The following PCDH11X variants were observed in gnomAD, a reference collection of about 807,000 sequenced individuals.
The protein encoded by PCDH11X is protocadherin 11 X-linked, also known as protocadherin-11 X-linked.
PCDH11X carries 18 observed loss-of-function variants against 53.3 expected under a neutral mutation model. The ratio of observed to expected loss-of-function variants is 0.34; its 90% CI spans 0.23 to 0.50. The LOEUF (loss-of-function observed/expected upper bound fraction) is 0.50. Ranked by LOEUF, PCDH11X falls within the 20% of genes least tolerant of loss-of-function variation. The pLI is 0.98. For missense variants in PCDH11X, 570 were observed against 1,032.4 expected (o/e 0.55, Z 6.14); for synonymous variants, 279 against 393.3 (o/e 0.71, Z 3.44).
chrX:92,315,503 C>T (rs888352080), intron 8 of PCDH11X, among the ~76,000 whole-genome samples: 1 of 111,542 alleles, frequency 9.0e-6, no homozygotes, highest in Non-Finnish European at 1.9e-5. Flanking sequence ...ACCATAACAT[C>T]CTTGATAGAA....
chrX:91,852,780 A>T (rs1938105565), intron 5 of PCDH11X, among the ~76,000 whole-genome samples: 4 of 109,827 alleles, frequency 3.6e-5, no homozygotes, highest in Non-Finnish European at 7.6e-5. Flanking sequence ...TGACAAGCAA[A>T]AATGTCTCCA....
At chrX:92,024,969 C>T (rs2062946687) in intron 6 of PCDH11X, among the ~76,000 whole-genome samples, 1 of 109,653 alleles carries the variant, frequency 9.1e-6, no homozygotes, top group Non-Finnish European at 1.9e-5. Flanking sequence ...TAGCCATATG[C>T]AGAAAAGTCT....
intron 6 of PCDH11X, among the ~76,000 whole-genome samples, chrX:92,024,270 A>G (rs2525343): frequency 0.082 from 9,003 of 110,227 alleles, 425 homozygotes; most frequent in East Asian, 0.28. Context: ...AAACACCATC[A>G]TCTCAGCCCA....
chrX:92,370,676 T>G (rs1284916940), intron 8 of PCDH11X, among the ~76,000 whole-genome samples: 1 of 110,658 alleles, frequency 9.0e-6, no homozygotes, highest in Non-Finnish European at 1.9e-5. Flanking sequence ...GTCAGGCTGG[T>G]CTCGAACTCT....
intron 9 of PCDH11X, among the ~76,000 whole-genome samples, chrX:92,451,850 A>C (rs1039974771): frequency 3.6e-5 from 4 of 110,870 alleles, no homozygotes; most frequent in Non-Finnish European, 7.6e-5. Context: ...CCCTAGACTA[A>C]ATTCTGTGTT....
chrX:92,132,633 ATG>A (rs1168120977), intron 6 of PCDH11X, among the ~76,000 whole-genome samples: 3 of 65,196 alleles, frequency 4.6e-5, no homozygotes, highest in Admixed American at 2.5e-4. Context: ...ATATATATAT[ATG>A]TATATATATA....
At chrX:91,917,569 CAA>C (rs59199030) in intron 6 of PCDH11X, among the ~76,000 whole-genome samples, 948 of 15,796 alleles carry the variant, frequency 0.06, 26 homozygotes, top group African/African-American at 0.22. Flanking sequence ...ACAGCAGCTG[CAA>C]AAAAAAAAAA....
chrX:92,329,208 G>A (rs754160612), intron 8 of PCDH11X, among the ~76,000 whole-genome samples: 41 of 111,401 alleles, frequency 3.7e-4, no homozygotes, highest in African/African-American at 1.2e-3. Flanking sequence ...CAATAGATGC[G>A]GAAGAATAAT....
intron 9 of PCDH11X, chrX:92,459,844 C>A: frequency 9.0e-7 from 1 of 1,115,283 alleles, no homozygotes; most frequent in East Asian, 3.0e-5. Flanking sequence ...TGGCATGGGG[C>A]CTGGGGGCCT....
At chrX:92,379,003 C>T (rs780218329) in intron 8 of PCDH11X, among the ~76,000 whole-genome samples, 6 of 113,074 alleles carry the variant, frequency 5.3e-5, no homozygotes, top group African/African-American at 1.6e-4. Context: ...ATGGCAGTGG[C>T]GGCTGTCTGG....
chrX:92,245,457 T>A (rs1212243302), intron 7 of PCDH11X, among the ~76,000 whole-genome samples: 1 of 112,688 alleles, frequency 8.9e-6, no homozygotes, highest in Non-Finnish European at 1.9e-5. Flanking sequence ...CCTCTATTAA[T>A]GAAGAAAAAG....
intron 9 of PCDH11X, among the ~76,000 whole-genome samples, chrX:92,402,235 C>A (rs1268246754): frequency 9.0e-6 from 1 of 111,705 alleles, no homozygotes; most frequent in Non-Finnish European, 1.9e-5. Flanking sequence ...AGATTCAATT[C>A]TATTCCTATC....
intron 4 of PCDH11X, among the ~76,000 whole-genome samples, chrX:91,814,371 T>A (rs897162156): frequency 1.3e-4 from 14 of 110,502 alleles, no homozygotes; most frequent in Non-Finnish European, 2.5e-4. Context: ...TGAAAAAAAA[T>A]TTTATTACCA....
chrX:91,966,724 T>G (rs143205289), intron 6 of PCDH11X, among the ~76,000 whole-genome samples: 89 of 111,899 alleles, frequency 8.0e-4, no homozygotes, highest in African/African-American at 2.7e-3. Context: ...TACCCGGTAT[T>G]TTAACGGGCA....
intron 6 of PCDH11X, chrX:91,883,674 G>A (rs1165184698): frequency 5.2e-5 from 26 of 497,891 alleles, no homozygotes; most frequent in Non-Finnish European, 5.6e-5. Flanking sequence ...GCGTGGTGGC[G>A]GGCGCCTGTA....
At chrX:92,396,562 G>A (rs2071250258) in intron 9 of PCDH11X, among the ~76,000 whole-genome samples, 1 of 102,725 alleles carries the variant, frequency 9.7e-6, no homozygotes, top group South Asian at 5.4e-4. Flanking sequence ...TCCTGCTTTT[G>A]GCCGGGCACG....
chrX:92,501,934 T>C (rs1443443152), intron 10 of PCDH11X, among the ~76,000 whole-genome samples: 1 of 110,850 alleles, frequency 9.0e-6, no homozygotes, highest in African/African-American at 3.3e-5. Flanking sequence ...AAATTATCTT[T>C]GTTTGCAGAT....
chrX:92,384,805 C>T (rs1325237697), intron 8 of PCDH11X, among the ~76,000 whole-genome samples: 1 of 105,008 alleles, frequency 9.5e-6, no homozygotes, highest in African/African-American at 3.5e-5. Context: ...AATCTTGTAG[C>T]CTCCAGCTGC....
At chrX:92,368,466 C>T (rs1456384701) in intron 8 of PCDH11X, among the ~76,000 whole-genome samples, 3 of 111,646 alleles carry the variant, frequency 2.7e-5, no homozygotes, top group African/African-American at 9.8e-5. Context: ...GAGGAGTTTG[C>T]TGTTACCTAC....
Sources: allele counts gnomAD v4.1 joint callset (sites outside exome capture counted in the v4.1 genomes callset), GRCh38; gene constraint gnomAD v4.1.1; transcripts MANE v1.5; gene names NCBI Gene and HGNC (gene_info 2026-07-23, HGNC 2026-07-21).